Variants in LHFPL3 observed in about 807,000 individuals in gnomAD.
LHFPL3 encodes the protein LHFPL tetraspan subfamily member 3.
Under a neutral mutation model 19.3 loss-of-function variants are expected in LHFPL3, and 5 were observed. That is an observed-to-expected ratio of 0.26 (90% CI 0.14 to 0.54). The LOEUF (loss-of-function observed/expected upper bound fraction) is 0.54, where lower values mean the gene tolerates loss of function less well. LHFPL3 is among the 20% of genes least tolerant of loss of function. The pLI is 0.94. For synonymous variants in LHFPL3, 133 were observed against 126.2 expected (o/e 1.05, Z -0.36); for missense variants, 249 against 307.4 (o/e 0.81, Z 1.42).
chr7:104,837,425 A>C (rs1791117827), intron 2 of LHFPL3, among the ~76,000 whole-genome samples: 1 of 152,190 alleles, frequency 6.6e-6, no homozygotes, highest in South Asian at 2.1e-4. Flanking sequence ...CTTCCGCACT[A>C]AACTATATAC....
At chr7:104,330,922 G>T (rs1801556153) in intron 1 of LHFPL3, among the ~76,000 whole-genome samples, 1 of 152,150 alleles carries the variant, frequency 6.6e-6, no homozygotes, top group Non-Finnish European at 1.5e-5. Flanking sequence ...ACCCTGCACA[G>T]CTAATTTTAA....
intron 1 of LHFPL3, among the ~76,000 whole-genome samples, chr7:104,402,772 A>G (rs1348022294): frequency 6.6e-6 from 1 of 152,258 alleles, no homozygotes; most frequent in Non-Finnish European, 1.5e-5. Flanking sequence ...ATAGATGTCA[A>G]ATAACATTTG....
intron 1 of LHFPL3, among the ~76,000 whole-genome samples, chr7:104,719,552 C>A (rs930804741): frequency 1.3e-5 from 2 of 152,028 alleles, no homozygotes; most frequent in Admixed American, 1.3e-4. Flanking sequence ...CTTGGCACTA[C>A]GTGTAAAATG....
At chr7:104,485,225 A>T (rs1340815154) in intron 1 of LHFPL3, among the ~76,000 whole-genome samples, 1 of 151,982 alleles carries the variant, frequency 6.6e-6, no homozygotes, top group Non-Finnish European at 1.5e-5. Context: ...ACTAAAAGAG[A>T]TATATTTTAT....
intron 1 of LHFPL3, among the ~76,000 whole-genome samples, chr7:104,375,198 G>A (rs1790688262): frequency 6.6e-6 from 1 of 152,100 alleles, no homozygotes. Flanking sequence ...AATTAGCTGG[G>A]TGTGGTGGTG....
intron 2 of LHFPL3, among the ~76,000 whole-genome samples, chr7:104,815,945 A>C (rs1158118090): frequency 6.6e-6 from 1 of 152,194 alleles, no homozygotes; most frequent in African/African-American, 2.4e-5. Flanking sequence ...TGCTTTGCTC[A>C]TTCAGAATGA....
At chr7:104,743,161 G>T (rs1793969139) in intron 2 of LHFPL3, among the ~76,000 whole-genome samples, 2 of 151,988 alleles carry the variant, frequency 1.3e-5, no homozygotes, top group Non-Finnish European at 2.9e-5. Context: ...AGGGGAAGGG[G>T]CTCTAGGATG....
At chr7:104,345,903 C>T (rs947199358) in intron 1 of LHFPL3, among the ~76,000 whole-genome samples, 5 of 152,108 alleles carry the variant, frequency 3.3e-5, no homozygotes, top group Non-Finnish European at 7.4e-5. Context: ...GTTGATGCCC[C>T]CATGGTTAAT....
At chr7:104,366,348 C>T (rs1790496069) in intron 1 of LHFPL3, among the ~76,000 whole-genome samples, 2 of 152,104 alleles carry the variant, frequency 1.3e-5, no homozygotes, top group African/African-American at 2.4e-5. Flanking sequence ...AGGATAGGGC[C>T]AAAGGTCCTC....
At chr7:104,444,503 T>G (rs1792289534) in intron 1 of LHFPL3, among the ~76,000 whole-genome samples, 1 of 152,210 alleles carries the variant, frequency 6.6e-6, no homozygotes, top group Non-Finnish European at 1.5e-5. Context: ...TTGAAAGAGC[T>G]CTGCATCTCT....
At chr7:104,620,798 A>G (rs1159099164) in intron 1 of LHFPL3, among the ~76,000 whole-genome samples, 25 of 152,304 alleles carry the variant, frequency 1.6e-4, no homozygotes, top group Admixed American at 1.6e-3. Flanking sequence ...AGAAGGCTAA[A>G]TGATGTACCC....
chr7:104,379,799 A>G (rs12112236), intron 1 of LHFPL3, among the ~76,000 whole-genome samples: 3,448 of 152,328 alleles, frequency 0.023, 89 homozygotes, highest in African/African-American at 0.056. Context: ...ATACAGAGGA[A>G]GCAATGGATG....
In LHFPL3 at chr7:104,328,901, C is replaced by T. The variant is rs373201390; in HGVS notation, c.122C>T (p.Ala41Val). The T allele has an allele frequency of 6.2e-7, 1 of 1,614,172 alleles. No individual in the cohort carries two copies. Among genetic ancestry groups the T allele is most frequent in the Non-Finnish European group, 8.5e-7 (1 of 1,180,036 alleles). ...RNSRAIGVLW[A>V]IFTICFAIVN... Reference sequence around the variant, plus strand: ...TCGCGGGCCATCGGCGTGCTGTGGGCCATCTTCACCATCTGCTTTGCCATC... The same window carrying T: ...TCGCGGGCCATCGGCGTGCTGTGGGTCATCTTCACCATCTGCTTTGCCATC... The change falls in exon 1 of 3, where the codon GCC becomes GTC. Residue 41 changes from alanine (A) to valine (V), a missense_variant. Coordinates refer to ENST00000424859, the MANE Select transcript of LHFPL3 (RefSeq NM_199000.3). The surrounding 1 kb of genome is among the most constrained non-coding windows in gnomAD (Gnocchi z 4.6).
intron 2 of LHFPL3, among the ~76,000 whole-genome samples, chr7:104,852,095 C>G (rs575563223): frequency 1.3e-5 from 2 of 152,186 alleles, no homozygotes; most frequent in East Asian, 1.9e-4. Context: ...GCAGATACCC[C>G]CCAACCCTCA....
At chr7:104,575,116 G>T (rs12667073) in intron 1 of LHFPL3, among the ~76,000 whole-genome samples, 4 of 152,030 alleles carry the variant, frequency 2.6e-5, no homozygotes, top group Non-Finnish European at 5.9e-5. Context: ...GAAGACTAAA[G>T]AGGTTAAGAA....
intron 2 of LHFPL3, among the ~76,000 whole-genome samples, chr7:104,846,456 C>A (rs535500653): frequency 1.3e-5 from 2 of 152,288 alleles, no homozygotes; most frequent in South Asian, 4.1e-4. Context: ...GCCCACACCC[C>A]TGCAGTGTTG....
At chr7:104,358,227 G>A (rs1790321625) in intron 1 of LHFPL3, among the ~76,000 whole-genome samples, 1 of 152,194 alleles carries the variant, frequency 6.6e-6, no homozygotes. Context: ...GTCGGAACTG[G>A]TAGTATGGCC....
At chr7:104,382,021 C>T (rs1790838660) in intron 1 of LHFPL3, among the ~76,000 whole-genome samples, 1 of 152,278 alleles carries the variant, frequency 6.6e-6, no homozygotes, top group African/African-American at 2.4e-5. Context: ...CCTCTGTGTG[C>T]CCTTAACACT....
chr7:104,535,340 G>A (rs566773325), intron 1 of LHFPL3, among the ~76,000 whole-genome samples: 114 of 152,302 alleles, frequency 7.5e-4, no homozygotes, highest in African/African-American at 2.7e-3. Flanking sequence ...TCTATTACAA[G>A]AAGTTGTATT....
Sources: gnomAD v4.1 joint callset for allele counts (sites outside exome capture counted in the v4.1 genomes callset) on GRCh38, gnomAD v4.1.1 for gene constraint, Gnocchi (gnomAD v3.1) non-coding constraint, MANE v1.5 for transcripts, NCBI Gene and HGNC (gene_info 2026-07-23, HGNC 2026-07-21) for gene names.